CSMD1: variants seen among roughly 807,000 people sequenced by gnomAD.
CSMD1 encodes the protein CUB and sushi domain-containing protein 1.
Under a neutral mutation model 417.5 loss-of-function variants are expected in CSMD1, and 213 were observed. The observed-to-expected ratio is 0.51, with a 90% confidence interval of 0.46 to 0.57. The LOEUF is 0.57. Ranked by LOEUF, CSMD1 falls within the 20% of genes least tolerant of loss-of-function variation. The pLI is 0.00. For synonymous variants in CSMD1, 2,862 were observed against 1,736.8 expected (o/e 1.65, Z -16.11); for missense variants, 6,923 against 4,529.7 (o/e 1.53, Z -15.17).
At position 2,978,783 on chromosome 8, in the gene CSMD1, G is replaced by T; in HGVS notation, c.8395C>A (p.Pro2799Thr). The part of the protein sequence containing the change: ...PTCRVVNCSD[P>T]GFVENAIRHG... ...CGAATGGCATTTTCCACAAAGCCTGGATCAGAACAGTTCACCACTAGAAAA... is the reference window on the plus strand; with the variant it reads ...CGAATGGCATTTTCCACAAAGCCTGTATCAGAACAGTTCACCACTAGAAAA... The change falls in exon 55 of 70, where the codon CCA becomes ACA. Residue 2799 changes from proline to threonine, a missense_variant. By Grantham distance (38) the Pro-to-Thr change is conservative (BLOSUM62 -1). Coordinates refer to ENST00000635120, the MANE Select transcript of CSMD1 (RefSeq NM_033225.6). The T allele has an allele frequency of 6.2e-7, 1 of 1,612,674 alleles. No individual in the cohort carries two copies.
intron 2 of CSMD1, among the ~76,000 whole-genome samples, chr8:4,484,429 A>G (rs1324671417): frequency 6.6e-6 from 1 of 152,080 alleles, no homozygotes; most frequent in Non-Finnish European, 1.5e-5. Context: ...ACAGAGAGGG[A>G]TGGGGGTTTT....
chr8:4,175,042 T>C (rs1318839751), intron 3 of CSMD1, among the ~76,000 whole-genome samples: 4 of 151,852 alleles, frequency 2.6e-5, no homozygotes, highest in Non-Finnish European at 4.4e-5. Context: ...TACATTCCTT[T>C]CTAAGTGAAC....
intron 3 of CSMD1, among the ~76,000 whole-genome samples, chr8:4,045,911 G>T (rs528721038): frequency 6.6e-6 from 1 of 151,790 alleles, no homozygotes; most frequent in East Asian, 1.9e-4. Flanking sequence ...AACACACACA[G>T]GTATTACATA....
chr8:4,398,388 C>CTTTTTTTTTT (rs767579097), intron 3 of CSMD1, among the ~76,000 whole-genome samples: 7 of 114,494 alleles, frequency 6.1e-5, no homozygotes, highest in Admixed American at 1.0e-4. Context: ...GCTGCAACTT[C>CTTTTTTTTTT]TTTTTTTTTT....
chr8:4,376,794 T>G (rs1802776411), intron 3 of CSMD1, among the ~76,000 whole-genome samples: 1 of 152,242 alleles, frequency 6.6e-6, no homozygotes, highest in Non-Finnish European at 1.5e-5. Flanking sequence ...TATTTTCTGT[T>G]GTCCGACCTC....
At chr8:4,017,212 A>G (rs1199962671) in intron 4 of CSMD1, among the ~76,000 whole-genome samples, 1 of 152,144 alleles carries the variant, frequency 6.6e-6, no homozygotes, top group East Asian at 1.9e-4. Context: ...AGTTTTTTCT[A>G]CTATTTTAAA....
intron 3 of CSMD1, among the ~76,000 whole-genome samples, chr8:4,288,947 T>C (rs1211627544): frequency 1.3e-5 from 2 of 152,180 alleles, no homozygotes; most frequent in Non-Finnish European, 2.9e-5. Flanking sequence ...ACACTAATAG[T>C]GTGGCAGCTG....
chr8:3,958,579 G>C (rs533863943), intron 5 of CSMD1, among the ~76,000 whole-genome samples: 6 of 151,992 alleles, frequency 3.9e-5, no homozygotes, highest in East Asian at 1.9e-4. Flanking sequence ...TTATCTGCTT[G>C]TTCTTTATCC....
intron 3 of CSMD1, among the ~76,000 whole-genome samples, chr8:4,286,241 T>C (rs983284855): frequency 1.3e-5 from 2 of 152,104 alleles, no homozygotes; most frequent in Non-Finnish European, 2.9e-5. Context: ...CTCCATTGCG[T>C]CTCTCCGCCA....
At chr8:4,859,671 C>A (rs11136783) in intron 1 of CSMD1, among the ~76,000 whole-genome samples, 83,352 of 151,512 alleles carry the variant, frequency 0.55, 24,125 homozygotes, top group African/African-American at 0.73. Context: ...GCTCATCATC[C>A]CTGGCCATCA....
chr8:3,473,079 T>C (rs935854697), intron 11 of CSMD1, among the ~76,000 whole-genome samples: 3 of 152,198 alleles, frequency 2.0e-5, no homozygotes, highest in Non-Finnish European at 2.9e-5. Context: ...AAAAACGTAA[T>C]TGTCATGTAA....
intron 2 of CSMD1, among the ~76,000 whole-genome samples, chr8:4,476,052 T>C (rs1244979141): frequency 6.6e-6 from 1 of 152,040 alleles, no homozygotes; most frequent in Non-Finnish European, 1.5e-5. Flanking sequence ...AAATTTCTGG[T>C]TAAGACAGTG....
At chr8:3,975,675 A>G (rs1413939940) in intron 5 of CSMD1, among the ~76,000 whole-genome samples, 2 of 152,198 alleles carry the variant, frequency 1.3e-5, no homozygotes, top group African/African-American at 4.8e-5. Context: ...CAGGAAATGT[A>G]CAGGAGATGA....
At chr8:4,411,363 A>G (rs1796641546) in intron 3 of CSMD1, among the ~76,000 whole-genome samples, 1 of 152,140 alleles carries the variant, frequency 6.6e-6, no homozygotes, top group Non-Finnish European at 1.5e-5. Flanking sequence ...GATTTCTTAC[A>G]TTAAAAAAAA....
At chr8:4,740,552 G>A (rs942762910) in intron 1 of CSMD1, among the ~76,000 whole-genome samples, 1 of 152,134 alleles carries the variant, frequency 6.6e-6, no homozygotes, top group Admixed American at 6.5e-5. Context: ...TGTGAAAAAG[G>A]TATTTTAAAT....
At chr8:3,503,304 A>G (rs1216196451) in intron 10 of CSMD1, among the ~76,000 whole-genome samples, 1 of 152,236 alleles carries the variant, frequency 6.6e-6, no homozygotes, top group Non-Finnish European at 1.5e-5. Flanking sequence ...CTTATAAACT[A>G]CAATTCAATG....
chr8:4,760,353 G>A (rs2117091840), intron 1 of CSMD1, among the ~76,000 whole-genome samples: 1 of 152,222 alleles, frequency 6.6e-6, no homozygotes, highest in Admixed American at 6.5e-5. Flanking sequence ...TCAACATGAA[G>A]GTGAATCGAG....
chr8:4,246,615 T>C (rs1313729237), intron 3 of CSMD1, among the ~76,000 whole-genome samples: 1 of 152,182 alleles, frequency 6.6e-6, no homozygotes, highest in Non-Finnish European at 1.5e-5. Flanking sequence ...GGGTCTAGCT[T>C]TGTTCAGCAG....
chr8:3,460,568 T>C (rs1330252482), intron 12 of CSMD1, among the ~76,000 whole-genome samples: 1 of 151,974 alleles, frequency 6.6e-6, no homozygotes, highest in Non-Finnish European at 1.5e-5. Context: ...AGAGGCCGCC[T>C]AGAGGGGACA....
Sources: allele counts gnomAD v4.1 joint callset (sites outside exome capture counted in the v4.1 genomes callset), GRCh38; gene constraint gnomAD v4.1.1; transcripts MANE v1.5; gene names NCBI Gene and HGNC (gene_info 2026-07-23, HGNC 2026-07-21).